Variants in PRPH2 observed in about 807,000 individuals in gnomAD.
PRPH2 encodes the protein peripherin 2.
In PRPH2, 17 loss-of-function variants were observed where a neutral mutation model predicts 31.3. The observed-to-expected ratio is 0.54, with a 90% CI of 0.37 to 0.81. The LOEUF (loss-of-function observed/expected upper bound fraction) is 0.81, where lower values mean the gene tolerates loss of function less well. Among genes scored for constraint, PRPH2 ranks in the 40% least tolerant of loss-of-function variants. The probability of loss-of-function intolerance (pLI) is 0.00; values close to 1 mark genes in which losing one functional copy is unlikely to be tolerated. For missense variants in PRPH2, 430 were observed against 439.7 expected (o/e 0.98, Z 0.20); for synonymous variants, 165 against 184.4 (o/e 0.89, Z 0.85).
chr6:42,715,091 C>T (rs993205322), intron 1 of PRPH2, among the ~76,000 whole-genome samples: 9 of 152,160 alleles, frequency 5.9e-5, no homozygotes. Context: ...TGTCTGTAAT[C>T]CCAGCTACTC....
chr6:42,696,967 A>G lies in PRPH2; in HGVS notation c.*1328T>C, dbSNP rs1166823138. The G allele has an allele frequency of 6.6e-6, 1 of 152,088 alleles. No individual in the cohort carries two copies. The highest frequency in any genetic ancestry group is 2.4e-5 in the African/African-American group (1 of 41,394). 9.4% of individuals were successfully genotyped at this position (152,088 alleles called of 1,614,324 possible). ...ACCCAAACTCAGTCCAAAGTAACCT[A>G]TTCCCAAACACCATCGGTCAGAAGC... On this transcript the variant is annotated 3_prime_UTR_variant, in exon 3 of 3. Transcript: ENST00000230381.
Position 42,722,050 on chromosome 6 carries a change from C to T in PRPH2, c.285G>A (p.Lys95=). ...TAGCCAGGTACGGCTTCAGCCAGGG[C>T]TTCCATCTGGCATACTTGGCTGGGT... is the stretch of plus-strand genomic sequence containing the variant. ...ALDPAKYARW[K]PWLKPYLAIC... The change falls in exon 1 of 3, where the codon AAG becomes AAA. Residue 95 remains lysine, a synonymous_variant. Coordinates refer to ENST00000230381, the MANE Select transcript of PRPH2 (RefSeq NM_000322.5). The surrounding 1 kb of genome is among the most constrained non-coding windows in gnomAD (Gnocchi z 4.4). The T allele has an allele frequency of 6.2e-7, 1 of 1,614,160 alleles. No individual in the cohort carries two copies.
chr6:42,716,967 T>TC (rs1433845162), intron 1 of PRPH2, among the ~76,000 whole-genome samples: 4 of 117,184 alleles, frequency 3.4e-5, no homozygotes, highest in East Asian at 2.4e-4. Flanking sequence ...CTTTTCTTTT[T>TC]TTTTTTTTTT....
rs35810763 is a variant in PRPH2 at position 42,719,567 on chromosome 6, C to CTTT, written c.581+2184_581+2186dup. Among the ~76,000 whole-genome samples, 82 of 111,046 alleles carry CTTT rather than the reference C, an allele frequency of 7.4e-4. 3 individuals are homozygous for CTTT. Among genetic ancestry groups the CTTT allele is most frequent in the African/African-American group, 1.4e-3 (42 of 29,380 alleles). 72.9% of individuals were successfully genotyped at this position (111,046 alleles called of 152,430 possible). ...ATTACAAAATGGAACACTAAATTGTCTTTTTTTTTTTTTTTTTTTTGAGAC... is the reference window on the plus strand; with the variant it reads ...ATTACAAAATGGAACACTAAATTGTCTTTTTTTTTTTTTTTTTTTTTTTGAGAC... On this transcript the variant is annotated intron_variant, in intron 1 of 2. Transcript: ENST00000230381.
chr6:42,711,754 G>C (rs952445360), intron 1 of PRPH2: 1 of 985,176 alleles, frequency 1.0e-6, no homozygotes, highest in Admixed American at 6.2e-5. Flanking sequence ...GAGCAAGCAG[G>C]TACCTGTAGT....
intron 1 of PRPH2, among the ~76,000 whole-genome samples, chr6:42,719,564 TGTC>T (rs1424478522): frequency 2.1e-5 from 3 of 144,578 alleles, no homozygotes; most frequent in Non-Finnish European, 4.5e-5. Flanking sequence ...AACACTAAAT[TGTC>T]TTTTTTTTTT....
chr6:42,710,610 C>CGAAT (rs1395485707), intron 1 of PRPH2, among the ~76,000 whole-genome samples: 1 of 152,090 alleles, frequency 6.6e-6, no homozygotes, highest in Non-Finnish European at 1.5e-5. Context: ...TCCCAGGCTA[C>CGAAT]GAATTTCACT....
rs1412446078 is a variant in PRPH2 at position 42,696,737 on chromosome 6, T to C, written c.*1558A>G. On this transcript the variant is annotated 3_prime_UTR_variant, in exon 3 of 3. Transcript: ENST00000230381. ...AGAGCTCAGGGACCTTTGCCAAAGA[T>C]GGCTGGCTCAGCATTTTTTCAGTAT... is the stretch of plus-strand genomic sequence containing the variant. The C allele has an allele frequency of 1.3e-5, 2 of 152,168 alleles. No homozygotes were observed. The highest frequency in any genetic ancestry group is 2.4e-5 in the African/African-American group (1 of 41,436). The allele number at this position is 152,168 out of a possible 1,614,324, so 9.4% of individuals were successfully genotyped here. A position where few individuals can be genotyped will look rare whatever the true frequency, so the allele number is the denominator to read the frequency against.
Position 42,698,173 on chromosome 6 carries a change from G to A in PRPH2, c.*122C>T, listed in dbSNP as rs969640513. The stretch of plus-strand genomic sequence containing the variant: ...AACTTAAATTCCACCGTCAGGGAGA[G>A]TCTCTGTAAGATGGTGCCCTCCTTG... On this transcript the variant is annotated 3_prime_UTR_variant, in exon 3 of 3. Coordinates refer to ENST00000230381, the MANE Select transcript of PRPH2 (RefSeq NM_000322.5). 7.5e-7 allele frequency: 1 copy of A among 1,340,010 alleles called. No individual in the cohort carries two copies. Among genetic ancestry groups the A allele is most frequent in the Admixed American group, 2.1e-5 (1 of 47,892 alleles). 83.0% of individuals were successfully genotyped at this position (1,340,010 alleles called of 1,614,324 possible). A position where few individuals can be genotyped will look rare whatever the true frequency, so the allele number is the denominator to read the frequency against.
At chr6:42,704,706 C>T in intron 1 of PRPH2, 95 bp from the exon 2 acceptor site, 4 of 1,551,756 alleles carry the variant, frequency 2.6e-6, no homozygotes, top group South Asian at 2.2e-5. Flanking sequence ...CTAGAATAGT[C>T]ATTCACTCGC....
At chr6:42,701,573 C>T (rs975956222) in intron 2 of PRPH2, among the ~76,000 whole-genome samples, 3 of 151,648 alleles carry the variant, frequency 2.0e-5, no homozygotes, top group South Asian at 2.1e-4. Flanking sequence ...CTCCTGGCTC[C>T]GCTGACTTCT....
At chr6:42,703,361 C>T (rs9471904) in intron 2 of PRPH2, among the ~76,000 whole-genome samples, 77,258 of 151,996 alleles carry the variant, frequency 0.51, 19,788 homozygotes, top group African/African-American at 0.55. Flanking sequence ...CCACACATAA[C>T]TAGACTAACA....
intron 2 of PRPH2, among the ~76,000 whole-genome samples, chr6:42,699,590 G>GGCAAT (rs1297717176): frequency 6.6e-6 from 1 of 152,016 alleles, no homozygotes; most frequent in Middle Eastern, 3.4e-3. Context: ...TTTAATATGT[G>GGCAAT]TAAAACACAC....
intron 1 of PRPH2, among the ~76,000 whole-genome samples, chr6:42,713,182 G>A (rs1220080054): frequency 6.6e-6 from 1 of 151,136 alleles, no homozygotes; most frequent in Non-Finnish European, 1.5e-5. Flanking sequence ...CCGACATGGT[G>A]CCACTGCACT....
At chr6:42,716,981 T>C (rs1416917860) in intron 1 of PRPH2, among the ~76,000 whole-genome samples, 1 of 134,642 alleles carries the variant, frequency 7.4e-6, no homozygotes, top group Non-Finnish European at 1.6e-5. Context: ...TTTTTTTTTT[T>C]TTTTTGGTAG....
chr6:42,714,629 A>G (rs528298354), intron 1 of PRPH2, among the ~76,000 whole-genome samples: 11 of 152,110 alleles, frequency 7.2e-5, no homozygotes, highest in African/African-American at 2.4e-4. Flanking sequence ...TGATCCTCCC[A>G]CCTTAGCCTC....
In PRPH2 at chr6:42,698,309, G is replaced by A. The variant is rs771868894; in HGVS notation, c.1027C>T (p.Pro343Ser). 4.3e-6 allele frequency: 7 copies of A among 1,613,672 alleles called. No individual in the cohort carries two copies. The highest frequency in any genetic ancestry group is 2.2e-5 in the South Asian group (2 of 91,074). Residue 343 changes from proline (P) to serine (S), a missense_variant, in exon 3 of 3, where the codon CCA becomes TCA. Pro to Ser is a moderately conservative substitution (Grantham distance 74, BLOSUM62 -1). Coordinates refer to ENST00000230381, the MANE Select transcript of PRPH2 (RefSeq NM_000322.5). ...EAEGADAGQAPEAG is the reference protein window; with the variant it reads ...EAEGADAGQASEAG The stretch of plus-strand genomic sequence containing the variant: ...CCCCAGGGCCCTCAGCCAGCCTCTG[G>A]GGCCTGGCCTGCGTCTGCGCCCTCG...
intron 1 of PRPH2, among the ~76,000 whole-genome samples, chr6:42,715,442 A>T (rs1761758612): frequency 6.6e-6 from 1 of 151,802 alleles, no homozygotes; most frequent in Admixed American, 6.6e-5. Context: ...AGGCCGAGGC[A>T]GGCGGATCAC....
At position 42,704,379 on chromosome 6, in the gene PRPH2, T is replaced by C. The variant is rs1479460552; in HGVS notation, c.814A>G (p.Ile272Val). The C allele has an allele frequency of 1.2e-6, 2 of 1,608,836 alleles. No homozygotes were observed. The highest frequency in any genetic ancestry group is 1.3e-5 in the African/African-American group (1 of 74,734). ...CCAGGGCCTACCTCGAAGAGCCAAA[T>C]GAGGAGCGTGACGACACCCATGGAG... ...MNSMGVVTLL[I>V]WLFEVTITIG... Residue 272 changes from isoleucine to valine, a missense_variant, in exon 2 of 3, where the codon ATT (isoleucine) becomes GTT (valine). Transcript: ENST00000230381.
Sources: allele counts gnomAD v4.1 joint callset (sites outside exome capture counted in the v4.1 genomes callset), GRCh38; gene constraint gnomAD v4.1.1; non-coding constraint Gnocchi (gnomAD v3.1); transcripts MANE v1.5; gene names NCBI Gene and HGNC (gene_info 2026-07-23, HGNC 2026-07-21).